The following HTT variants were observed in gnomAD, a reference collection of about 807,000 sequenced individuals.
HTT encodes huntington disease protein.
HTT carries 104 observed loss-of-function variants against 362.3 expected under a neutral mutation model. The ratio of observed to expected loss-of-function variants is 0.29; its 90% CI spans 0.24 to 0.34. The LOEUF is 0.34. Ranked by LOEUF, HTT falls within the 10% of genes least tolerant of loss-of-function variation. The pLI, the probability that HTT is intolerant of heterozygous loss-of-function variation, is 1.00. For synonymous variants in HTT, 1,577 were observed against 1,548.7 expected (o/e 1.02, Z -0.43); for missense variants, 3,301 against 3,928.6 (o/e 0.84, Z 4.27).
At chr4:3,221,362 C>G (rs896210579) in intron 53 of HTT, among the ~76,000 whole-genome samples, 6 of 152,214 alleles carry the variant, frequency 3.9e-5, no homozygotes, top group African/African-American at 7.2e-5. Flanking sequence ...GCTCTCTCCC[C>G]CTTGCCTAAC....
chr4:3,084,803 G>GGA (rs751335242), intron 1 of HTT, among the ~76,000 whole-genome samples: 12 of 151,940 alleles, frequency 7.9e-5, no homozygotes, highest in Non-Finnish European at 1.3e-4. Flanking sequence ...CACGAGGTCA[G>GGA]GAGATCCAGA....
rs1271648389 is a variant in HTT, at chr4:3,074,970, C to T, written c.145C>T (p.Pro49Ser). The T allele has an allele frequency of 7.0e-7, 1 of 1,435,520 alleles. No individual in the cohort carries two copies. The highest frequency in any genetic ancestry group is 9.3e-7 in the Non-Finnish European group (1 of 1,075,116). 88.9% of individuals were successfully genotyped at this position (1,435,520 alleles called of 1,614,324 possible). A position where few individuals can be genotyped will look rare whatever the true frequency, so the allele number is the denominator to read the frequency against. Residue 49 changes from proline to serine, a missense_variant, in exon 1 of 67, where the codon CCT (proline) becomes TCT (serine). Transcript: ENST00000355072. The stretch of plus-strand genomic sequence containing the variant: ...ACCGCCGCCGCCGCCGCCGCCGCCT[C>T]CTCAGCTTCCTCAGCCGCCGCCGCA... Reference protein sequence around the residue: ...PPPPPPPPPPPQLPQPPPQAQ... With the variant: ...PPPPPPPPPPSQLPQPPPQAQ...
rs568235946 is a variant in HTT at position 3,233,273 on chromosome 4, C to T, written c.8376C>T (p.Cys2792=). 2.0e-5 allele frequency: 32 copies of T among 1,611,532 alleles called. No homozygotes were observed. The highest frequency in any genetic ancestry group is 8.0e-5 in the African/African-American group (6 of 75,052). The change falls in exon 61 of 67, where the codon TGC becomes TGT. Residue 2792 remains cysteine (C), a synonymous_variant. Transcript: ENST00000355072. The part of the protein sequence containing the change: ...ALHGVLYVLE[C]DLLDDTAKQL... ...ACGGCGTCCTCTATGTGCTGGAGTG[C>T]GACCTGCTGGACGACACTGCCAAGC...
chr4:3,165,707 T>C (rs951242819), intron 29 of HTT, among the ~76,000 whole-genome samples: 6 of 152,028 alleles, frequency 3.9e-5, no homozygotes, highest in Non-Finnish European at 8.8e-5. Context: ...TTGAATCGGC[T>C]GTCGAAGCTT....
Position 3,075,038 on chromosome 4 carries a change from GC to G in HTT, c.218del (p.Pro73ArgfsTer28). ...CTCAGCCGCAGCCGCCCCCGCCGCC[GC>G]CCCCGCCGCCACCCGGCCCGGCTGT... ...LPQPQPPPPP[P>X]PPPPGPAVAE... On this transcript the variant is annotated frameshift_variant, in exon 1 of 67. Coordinates refer to ENST00000355072, the MANE Select transcript of HTT (RefSeq NM_001388492.1). LOFTEE classifies it high-confidence loss of function. The G allele has an allele frequency of 1.6e-6, 2 of 1,246,354 alleles. No homozygotes were observed. Among genetic ancestry groups the G allele is most frequent in the Non-Finnish European group, 1.0e-6 (1 of 1,001,420 alleles). The allele number at this position is 1,246,354 out of a possible 1,614,324, so 77.2% of individuals were successfully genotyped here.
At chr4:3,207,481 G>C (rs921217124) in intron 45 of HTT, 124 bp downstream of exon 45, 1 of 747,974 alleles carries the variant, frequency 1.3e-6, no homozygotes, top group African/African-American at 1.7e-5. Flanking sequence ...GTTTACTGCA[G>C]AAGTGCCATA....
At chr4:3,190,773 A>T (rs1411561066) in intron 40 of HTT, among the ~76,000 whole-genome samples, 1 of 152,214 alleles carries the variant, frequency 6.6e-6, no homozygotes, top group Non-Finnish European at 1.5e-5. Context: ...GAAAGCAGCC[A>T]GTCCAAATTA....
Position 3,220,182 on chromosome 4 carries a change from G to A in HTT, c.7243G>A (p.Val2415Met), listed in dbSNP as rs759626383. The A allele has an allele frequency of 1.2e-6, 2 of 1,614,156 alleles. No homozygotes were observed. Among genetic ancestry groups the A allele is most frequent in the Non-Finnish European group, 1.7e-6 (2 of 1,180,016 alleles). The change falls in exon 53 of 67, where the codon GTG becomes ATG. Residue 2415 changes from valine to methionine, a missense_variant and splice_region_variant. Transcript: ENST00000355072. ...TGTCACTTCCTTTTCATCTTCTCAGGTGTGGAAGCTTGGATGGTCACCCAA... is the reference window on the plus strand; with the variant it reads ...TGTCACTTCCTTTTCATCTTCTCAGATGTGGAAGCTTGGATGGTCACCCAA... ...VNSYTRVPPLVWKLGWSPKPG... is the reference protein window; with the variant it reads ...VNSYTRVPPLMWKLGWSPKPG...
chr4:3,235,292 A>C lies in HTT; in HGVS notation c.8465A>C (p.Asn2822Thr). 1.9e-6 allele frequency: 3 copies of C among 1,612,260 alleles called. No individual in the cohort carries two copies. The highest frequency in any genetic ancestry group is 2.5e-6 in the Non-Finnish European group (3 of 1,178,480). Residue 2822 changes from asparagine to threonine, a missense_variant, in exon 62 of 67, where the codon AAC becomes ACC. This residue lies in a region of HTT where 753 missense variants were observed against 1,021.3 expected (regional missense o/e 0.74). Coordinates refer to ENST00000355072, the MANE Select transcript of HTT (RefSeq NM_001388492.1). ...SNLKGIAHCV[N>T]IHSQQHVLVM... ...CTGTCTCCCGTTTTCAGCTGCGTGA[A>C]CATTCACAGCCAGCAGCACGTACTG...
chr4:3,180,738 T>A, intron 36 of HTT, 87 bp downstream of exon 36: 1 of 1,223,114 alleles, frequency 8.2e-7, no homozygotes, highest in Non-Finnish European at 1.1e-6. Flanking sequence ...CGCTCACTGT[T>A]AACTGTGTTA....
Position 3,236,232 on chromosome 4 carries a change from C to T in HTT, c.8869C>T (p.Arg2957Trp), listed in dbSNP as rs1560607858. 6.2e-7 allele frequency: 1 copy of T among 1,613,166 alleles called. No individual in the cohort carries two copies. Among genetic ancestry groups the T allele is most frequent in the Non-Finnish European group, 8.5e-7 (1 of 1,179,082 alleles). The change falls in exon 64 of 67, where the codon CGG becomes TGG. Residue 2957 changes from arginine to tryptophan, a missense_variant. Arg to Trp is a moderately radical substitution (Grantham distance 101). This residue lies in a region of HTT where 753 missense variants were observed against 1,021.3 expected (regional missense o/e 0.74). Coordinates refer to ENST00000355072, the MANE Select transcript of HTT (RefSeq NM_001388492.1). ...DSESVIVAMERVSVLFDRIRK... is the reference protein window; with the variant it reads ...DSESVIVAMEWVSVLFDRIRK... ...CGAGTCAGTGATTGTTGCTATGGAG[C>T]GGGTATCTGTTCTTTTTGATAGGTA... is the stretch of plus-strand genomic sequence containing the variant.
intron 37 of HTT, among the ~76,000 whole-genome samples, chr4:3,183,452 T>A (rs1488065756): frequency 6.6e-6 from 1 of 152,254 alleles, no homozygotes; most frequent in African/African-American, 2.4e-5. Flanking sequence ...AATACATGTT[T>A]GTTCATCTTG....
intron 21 of HTT, among the ~76,000 whole-genome samples, chr4:3,137,762 T>A (rs1302110595): frequency 6.6e-6 from 1 of 152,216 alleles, no homozygotes; most frequent in Non-Finnish European, 1.5e-5. Flanking sequence ...TAGATGGACT[T>A]TTGCATTTGG....
chr4:3,117,658 G>A (rs943180769), intron 8 of HTT, among the ~76,000 whole-genome samples: 1 of 151,988 alleles, frequency 6.6e-6, no homozygotes, highest in African/African-American at 2.4e-5. Context: ...GAAACATGGC[G>A]AAACCCCATG....
In HTT at chr4:3,229,910, C is replaced by T. The variant is rs1043052578; in HGVS notation, c.8133C>T (p.Phe2711=). 46 of 1,614,068 alleles carry T rather than the reference C, an allele frequency of 2.8e-5. No individual in the cohort carries two copies. The highest frequency in any genetic ancestry group is 3.8e-5 in the Non-Finnish European group (45 of 1,180,030). The stretch of plus-strand genomic sequence containing the variant: ...AGCTTCTAGTGGTCTCAGACTTGTT[C>T]ACCGAGCGCAACCAGTTTGAGCTGA... ...VRSLLVVSDL[F]TERNQFELMY... The change falls in exon 60 of 67, where the codon TTC becomes TTT. Residue 2711 remains phenylalanine, a synonymous_variant. Coordinates refer to ENST00000355072, the MANE Select transcript of HTT (RefSeq NM_001388492.1).
chr4:3,229,038 C>T (rs771717763), intron 59 of HTT, 29 bp downstream of exon 59: 2 of 1,599,878 alleles, frequency 1.3e-6, no homozygotes, highest in South Asian at 1.1e-5. Context: ...TCCCCTCACA[C>T]CTGCACGTGC....
chr4:3,094,363 ATT>A (rs1249548917), intron 2 of HTT, among the ~76,000 whole-genome samples: 2 of 152,056 alleles, frequency 1.3e-5, no homozygotes, highest in Non-Finnish European at 2.9e-5. Flanking sequence ...CTTTTCCCAC[ATT>A]TCCTCCTTTT....
At position 3,206,368 on chromosome 4, in the gene HTT, T is replaced by C. The variant is rs1297174664; in HGVS notation, c.5719-128T>C. 7.0e-6 allele frequency: 5 copies of C among 711,170 alleles called. No homozygotes were observed. The East Asian group carries it at 1.3e-4, about 19-fold the overall frequency. The allele number at this position is 711,170 out of a possible 1,614,324, so 44.1% of individuals were successfully genotyped here. ...CAATTATTTGTGCTCATACACTGTA[T>C]ATTTTTAGTGAGGTTTATATTTGGG... is the stretch of plus-strand genomic sequence containing the variant. On this transcript the variant is annotated intron_variant, in intron 42 of 66. Transcript: ENST00000355072. This position sits in a 1 kb window ranked among gnomAD's most constrained non-coding sequence, Gnocchi z 4.6.
rs755136881 is a variant in HTT, at chr4:3,121,441, T to C, written c.1273+9T>C. ...TATTGTGGAACTTATAGGCAAGTTA[T>C]TAGCAAGGTCTACTCTTACAATTAA... On this transcript the variant is annotated intron_variant, in intron 9 of 66. Coordinates refer to ENST00000355072, the MANE Select transcript of HTT (RefSeq NM_001388492.1). The C allele has an allele frequency of 1.7e-5, 27 of 1,589,192 alleles. No homozygotes were observed. The highest frequency in any genetic ancestry group is 2.3e-5 in the Non-Finnish European group (27 of 1,157,652).
Sources: allele counts gnomAD v4.1 joint callset (sites outside exome capture counted in the v4.1 genomes callset), GRCh38; gene constraint gnomAD v4.1.1; regional missense constraint gnomAD v4.1.1; non-coding constraint Gnocchi (gnomAD v3.1); transcripts MANE v1.5; gene names NCBI Gene and HGNC (gene_info 2026-07-23, HGNC 2026-07-21).